Variants in SPTLC3 observed in about 807,000 individuals in gnomAD.
SPTLC3 encodes serine palmitoyltransferase 3.
In SPTLC3, 36 loss-of-function variants were observed where a neutral mutation model predicts 59.3. That is an observed-to-expected ratio of 0.61 (90% confidence interval 0.47 to 0.80). The LOEUF (loss-of-function observed/expected upper bound fraction) is 0.80, where lower values mean the gene tolerates loss of function less well. Ranked by LOEUF, SPTLC3 falls within the 30% of genes least tolerant of loss-of-function variation. The probability of loss-of-function intolerance (pLI) is 0.00; values close to 1 mark genes in which losing one functional copy is unlikely to be tolerated. For synonymous variants in SPTLC3, 257 were observed against 240.8 expected, an observed-to-expected ratio of 1.07 and a Z score of -0.62; for missense variants, 625 against 685.1, an observed-to-expected ratio of 0.91 and a Z score of 0.98.
chr20:13,072,647 A>C lies in SPTLC3; in HGVS notation c.458+237A>C, dbSNP rs545063295. ...ACCTAAGACCTGGGTCAGAAGGTGC[A>C]GGACACACCAAGCCAGCCAGGAAGA... On this transcript the variant is annotated intron_variant, in intron 3 of 11. Coordinates refer to ENST00000399002, the MANE Select transcript of SPTLC3 (RefSeq NM_018327.4). Among the ~76,000 whole-genome samples, 5 of 152,338 alleles carry C rather than the reference A, an allele frequency of 3.3e-5. No homozygotes were observed. The South Asian group carries it at 1.0e-3, about 32-fold the overall frequency.
intron 2 of SPTLC3, among the ~76,000 whole-genome samples, chr20:13,060,677 C>G (rs1987936749): frequency 7.1e-6 from 1 of 140,088 alleles, no homozygotes; most frequent in Non-Finnish European, 1.5e-5. Context: ...TTATTCAGCT[C>G]CCACTTAGAA....
chr20:13,082,833 A>G (rs529321900), intron 4 of SPTLC3, among the ~76,000 whole-genome samples: 5 of 152,352 alleles, frequency 3.3e-5, no homozygotes, highest in African/African-American at 1.2e-4. Context: ...TATTAAGAAT[A>G]CAAACTTCAT....
At chr20:13,054,262 A>G (rs973175015) in intron 2 of SPTLC3, among the ~76,000 whole-genome samples, 1 of 152,204 alleles carries the variant, frequency 6.6e-6, no homozygotes, top group Non-Finnish European at 1.5e-5. Flanking sequence ...GGGCCAGACT[A>G]TAATGGGTTC....
chr20:13,047,508 A>T (rs375619320), intron 1 of SPTLC3, among the ~76,000 whole-genome samples: 1 of 152,116 alleles, frequency 6.6e-6, no homozygotes. Context: ...TTTGTGTGTC[A>T]TCTCTTTAAG....
rs200970594 is a variant in SPTLC3 at position 13,093,069 on chromosome 20, CA to C, written c.733-411del. ...AAGTAAGAGCTTGAATTGTCCTGCA[CA>C]AAAGACCCTTGCCTTTCAGGAAGAA... On this transcript the variant is annotated intron_variant, in intron 5 of 11. Coordinates refer to ENST00000399002, the MANE Select transcript of SPTLC3 (RefSeq NM_018327.4). 6.6e-3 allele frequency among the ~76,000 whole-genome samples: 1,006 copies of C among 152,288 alleles called. 14 individuals are homozygous for C. Among genetic ancestry groups the C allele is most frequent in the African/African-American group, 0.022 (913 of 41,536 alleles).
intron 2 of SPTLC3, among the ~76,000 whole-genome samples, chr20:13,061,049 G>T (rs1987953336): frequency 6.6e-6 from 1 of 152,104 alleles, no homozygotes. Context: ...TTCCATAGAA[G>T]TTGTACTAAT....
At chr20:13,054,775 G>C (rs1485597561) in intron 2 of SPTLC3, among the ~76,000 whole-genome samples, 1 of 152,200 alleles carries the variant, frequency 6.6e-6, no homozygotes. Flanking sequence ...GTCTCAGTGG[G>C]ATACTGTAAC....
chr20:13,134,441 C>A (rs1390739256), intron 9 of SPTLC3, among the ~76,000 whole-genome samples: 3 of 152,154 alleles, frequency 2.0e-5, no homozygotes, highest in Non-Finnish European at 2.9e-5. Context: ...CCCCGCATGT[C>A]CCCAGTCATC....
At chr20:13,072,593 G>A (rs2122570051) in intron 3 of SPTLC3, among the ~76,000 whole-genome samples, 183 bp downstream of exon 3, 1 of 152,288 alleles carries the variant, frequency 6.6e-6, no homozygotes, top group African/African-American at 2.4e-5. Context: ...TCAAGCAGCT[G>A]CCAGAGTGGC....
intron 6 of SPTLC3, among the ~76,000 whole-genome samples, chr20:13,094,813 T>C (rs1245406833): frequency 6.6e-6 from 1 of 152,142 alleles, no homozygotes; most frequent in Non-Finnish European, 1.5e-5. Context: ...AGATGAACAG[T>C]TAGAGTGCAG....
intron 9 of SPTLC3, among the ~76,000 whole-genome samples, chr20:13,139,991 T>C (rs1026019021): frequency 1.3e-5 from 2 of 152,196 alleles, no homozygotes; most frequent in African/African-American, 4.8e-5. Context: ...TGGCAGGTGT[T>C]GCTATCATTG....
At chr20:13,093,631 A>G (rs1989309793) in intron 6 of SPTLC3, 54 bp downstream of exon 6, 1 of 1,526,564 alleles carries the variant, frequency 6.6e-7, no homozygotes, top group African/African-American at 1.4e-5. Context: ...AGAAGAAAGT[A>G]AAGATTATTG....
intron 9 of SPTLC3, among the ~76,000 whole-genome samples, chr20:13,147,537 A>T (rs1215606964): frequency 6.6e-6 from 1 of 152,148 alleles, no homozygotes; most frequent in Non-Finnish European, 1.5e-5. Context: ...AAGCCAGGGG[A>T]AAAAGTCCAG....
At chr20:13,035,626 C>A (rs6109662) in intron 1 of SPTLC3, among the ~76,000 whole-genome samples, 1 of 152,100 alleles carries the variant, frequency 6.6e-6, no homozygotes, top group Non-Finnish European at 1.5e-5. Flanking sequence ...CACCTTGTGC[C>A]TTCCAAAACA....
intron 1 of SPTLC3, among the ~76,000 whole-genome samples, chr20:13,019,187 A>T (rs6131420): frequency 0.57 from 85,910 of 151,982 alleles, 26,945 homozygotes; most frequent in South Asian, 0.71. Context: ...GGTGTTTCCA[A>T]GAGACAGAAC....
intron 4 of SPTLC3, among the ~76,000 whole-genome samples, chr20:13,078,934 A>G (rs1185163199): frequency 2.0e-5 from 3 of 152,210 alleles, no homozygotes; most frequent in African/African-American, 7.2e-5. Flanking sequence ...GATTCAATAA[A>G]GAACAATTTT....
intron 11 of SPTLC3, among the ~76,000 whole-genome samples, chr20:13,160,809 T>C (rs117239197): frequency 0.015 from 2,323 of 152,326 alleles, 25 homozygotes; most frequent in South Asian, 0.028. Flanking sequence ...CCAGACAGAA[T>C]GAATGAATCT....
At chr20:13,054,865 G>A (rs1419776507) in intron 2 of SPTLC3, among the ~76,000 whole-genome samples, 2 of 151,978 alleles carry the variant, frequency 1.3e-5, no homozygotes, top group African/African-American at 4.8e-5. Flanking sequence ...AGTTCATGGA[G>A]AAAAAAGAGA....
chr20:13,132,685 A>C (rs1011344302), intron 9 of SPTLC3: 1 of 152,178 alleles, frequency 6.6e-6, no homozygotes, highest in African/African-American at 2.4e-5. Context: ...CTCAGCAAAT[A>C]AACAGCTCTG....
Sources: gnomAD v4.1 joint callset for allele counts (sites outside exome capture counted in the v4.1 genomes callset) on GRCh38, gnomAD v4.1.1 for gene constraint, MANE v1.5 for transcripts, NCBI Gene and HGNC (gene_info 2026-07-23, HGNC 2026-07-21) for gene names.